Variants in ABCD3 observed in about 807,000 individuals in gnomAD.
The protein encoded by ABCD3 is ATP binding cassette subfamily D member 3, also known as ATP-binding cassette sub-family D member 3.
In ABCD3, 41 loss-of-function variants were observed where a neutral mutation model predicts 105.5. The ratio of observed to expected loss-of-function variants is 0.39; its 90% confidence interval spans 0.30 to 0.50. ABCD3 has a LOEUF of 0.50. Ranked by LOEUF, ABCD3 falls within the 20% of genes least tolerant of loss-of-function variation. ABCD3 has a pLI of 0.84. For synonymous variants in ABCD3, 258 were observed against 269.0 expected (o/e 0.96, Z 0.40); for missense variants, 622 against 806.3 (o/e 0.77, Z 2.77).
chr1:94,438,648 C>A (rs1157999233), intron 1 of ABCD3, among the ~76,000 whole-genome samples: 1 of 152,126 alleles, frequency 6.6e-6, no homozygotes, highest in Non-Finnish European at 1.5e-5. Context: ...ATTGCCACAG[C>A]CACCCCAGCC....
chr1:94,402,414 C>T, the ABCD3 span, among the ~76,000 whole-genome samples: 1 of 152,116 alleles, frequency 6.6e-6, no homozygotes, highest in Admixed American at 6.5e-5. Context: ...TTTGCTTTAT[C>T]ATTTATGTGT....
At chr1:94,497,294 CTT>C in intron 16 of ABCD3, among the ~76,000 whole-genome samples, 1 of 152,202 alleles carries the variant, frequency 6.6e-6, no homozygotes, top group East Asian at 1.9e-4. Context: ...TTTTTTGTCT[CTT>C]TAATTCATTA....
intron 22 of ABCD3, among the ~76,000 whole-genome samples, chr1:94,515,686 CA>C (rs1311496462): frequency 6.6e-6 from 1 of 151,988 alleles, no homozygotes; most frequent in Non-Finnish European, 1.5e-5. Context: ...ATGAGGCTTA[CA>C]TTGGTGCACG....
At chr1:94,486,281 T>G (rs1478609617) in intron 10 of ABCD3, among the ~76,000 whole-genome samples, 2 of 152,218 alleles carry the variant, frequency 1.3e-5, no homozygotes, top group African/African-American at 4.8e-5. Context: ...TCCATGGATT[T>G]TGGTATCCAG....
chr1:94,428,407 C>T (rs1035965165), intron 1 of ABCD3, among the ~76,000 whole-genome samples: 4 of 151,596 alleles, frequency 2.6e-5, no homozygotes, highest in African/African-American at 7.3e-5. Context: ...AATGAGGCAA[C>T]TGCTCTAGGT....
rs140767985 is a variant in ABCD3 at position 94,515,193 on chromosome 1, A to G, written c.1893A>G (p.Lys631=). 5 of 1,608,660 alleles carry G rather than the reference A, an allele frequency of 3.1e-6. No homozygotes were observed. Among genetic ancestry groups the G allele is most frequent in the South Asian group, 1.1e-5 (1 of 90,990 alleles). The change falls in exon 22 of 23, where the codon AAA becomes AAG. Residue 631 remains lysine, a synonymous_variant. Coordinates refer to ENST00000370214, the MANE Select transcript of ABCD3 (RefSeq NM_002858.4). ...TGTCTCATAGGAAATCTCTTTGGAA[A>G]CATCATGAGGTTTGTATTTCTTTCA... ...FTVSHRKSLW[K]HHEYYLHMDG... is the part of the protein sequence containing the mutation.
At chr1:94,496,214 A>C (rs1479245882) in intron 16 of ABCD3, among the ~76,000 whole-genome samples, 3 of 152,164 alleles carry the variant, frequency 2.0e-5, no homozygotes, top group African/African-American at 7.2e-5. Flanking sequence ...CATCCCAAAT[A>C]GAAACTCTGT....
chr1:94,490,614 G>A (rs960173551), intron 15 of ABCD3, among the ~76,000 whole-genome samples: 8 of 151,856 alleles, frequency 5.3e-5, no homozygotes, highest in Non-Finnish European at 1.0e-4. Context: ...TGTATTTTGT[G>A]TGTATGTGAA....
chr1:94,441,817 T>C (rs2100915543), intron 1 of ABCD3, among the ~76,000 whole-genome samples: 1 of 152,126 alleles, frequency 6.6e-6, no homozygotes, highest in South Asian at 2.1e-4. Flanking sequence ...AGAAGATGGA[T>C]AAATAAGGAA....
chr1:94,454,040 A>G (rs1647411899), intron 1 of ABCD3, among the ~76,000 whole-genome samples: 1 of 151,430 alleles, frequency 6.6e-6, no homozygotes, highest in East Asian at 1.9e-4. Flanking sequence ...GTCTATATAT[A>G]TATGTATGGG....
At chr1:94,489,704 T>C (rs749481850) in intron 13 of ABCD3, 21 bp from the exon 14 acceptor site, 11 of 1,563,098 alleles carry the variant, frequency 7.0e-6, no homozygotes, top group Non-Finnish European at 8.8e-6. Context: ...TTGATTATGG[T>C]TTCCTTTTCT....
intron 1 of ABCD3, among the ~76,000 whole-genome samples, chr1:94,433,837 C>T (rs375694396): frequency 6.0e-5 from 9 of 150,510 alleles, no homozygotes; most frequent in African/African-American, 1.7e-4. Context: ...CCAGTTAAAA[C>T]GGGGTTTTGC....
the ABCD3 span, among the ~76,000 whole-genome samples, chr1:94,395,110 G>A: frequency 2.0e-5 from 3 of 152,106 alleles, no homozygotes; most frequent in African/African-American, 7.2e-5. Context: ...GTATCCTCCT[G>A]AACCTTGCTT....
intron 1 of ABCD3, chr1:94,432,470 A>G (rs1018334246): frequency 6.6e-6 from 1 of 152,260 alleles, no homozygotes; most frequent in Admixed American, 6.5e-5. Flanking sequence ...AGATATTACT[A>G]TAAATAAAGT....
At chr1:94,487,513 G>T in intron 10 of ABCD3, 29 bp from the exon 11 acceptor site, 4 of 1,602,776 alleles carry the variant, frequency 2.5e-6, no homozygotes, top group Non-Finnish European at 3.4e-6. Context: ...CAGAGAAAAA[G>T]ATGGTTTTTT....
chr1:94,453,970 G>A (rs1228717272), intron 1 of ABCD3, among the ~76,000 whole-genome samples: 2 of 148,490 alleles, frequency 1.3e-5, no homozygotes, highest in African/African-American at 4.9e-5. Context: ...ATTGAAATAA[G>A]GTTCTGAGCA....
chr1:94,497,956 G>A (rs192832770), intron 16 of ABCD3, among the ~76,000 whole-genome samples: 20 of 152,154 alleles, frequency 1.3e-4, no homozygotes, highest in Non-Finnish European at 2.1e-4. Flanking sequence ...TATAGAGTAC[G>A]TTTTCATTTT....
intron 1 of ABCD3, among the ~76,000 whole-genome samples, chr1:94,446,192 G>A (rs920930690): frequency 1.3e-5 from 2 of 152,176 alleles, no homozygotes; most frequent in Non-Finnish European, 2.9e-5. Context: ...ACCCAATTTC[G>A]GGCCCCATTC....
rs768470751 is a variant in ABCD3 at position 94,499,041 on chromosome 1, G to C, written c.1620+7G>C. The C allele has an allele frequency of 6.2e-7, 1 of 1,602,762 alleles. No homozygotes were observed. The highest frequency in any genetic ancestry group is 8.5e-7 in the Non-Finnish European group (1 of 1,169,862). ...GAAGGGAATTTCTGACCTAGTAAGG[G>C]AATGTTTATATCCTAGATCCACTGA... On this transcript the variant is annotated splice_region_variant and intron_variant, in intron 19 of 22. Coordinates refer to ENST00000370214, the MANE Select transcript of ABCD3 (RefSeq NM_002858.4).
Sources: allele counts gnomAD v4.1 joint callset (sites outside exome capture counted in the v4.1 genomes callset), GRCh38; gene constraint gnomAD v4.1.1; transcripts MANE v1.5; gene names NCBI Gene and HGNC (gene_info 2026-07-23, HGNC 2026-07-21).